The following CACNB2 variants were observed in gnomAD, a reference collection of about 807,000 sequenced individuals.
CACNB2 encodes calcium voltage-gated channel auxiliary subunit beta 2.
In CACNB2, 42 loss-of-function variants were observed where a neutral mutation model predicts 73.3. That is an observed-to-expected ratio of 0.57 (90% CI 0.45 to 0.74). The LOEUF is 0.74. Ranked by LOEUF, CACNB2 falls within the 30% of genes least tolerant of loss-of-function variation. The pLI, the probability that CACNB2 is intolerant of heterozygous loss-of-function variation, is 0.00. For missense variants in CACNB2, 940 were observed against 853.0 expected, an observed-to-expected ratio of 1.10 and a Z score of -1.27; for synonymous variants, 348 against 310.3, an observed-to-expected ratio of 1.12 and a Z score of -1.28.
intron 3 of CACNB2, among the ~76,000 whole-genome samples, chr10:18,445,905 A>G (rs767599116): frequency 1.3e-5 from 2 of 152,160 alleles, no homozygotes; most frequent in Non-Finnish European, 2.9e-5. Flanking sequence ...GTGGTGGCAC[A>G]TGCCTGTAAT....
chr10:18,263,924 G>T (rs1416201335), intron 2 of CACNB2, among the ~76,000 whole-genome samples: 1 of 152,094 alleles, frequency 6.6e-6, no homozygotes, highest in Non-Finnish European at 1.5e-5. Flanking sequence ...TCATTCTTTT[G>T]TTTACTCCTA....
chr10:18,345,678 C>T (rs1272722203), intron 2 of CACNB2, among the ~76,000 whole-genome samples: 2 of 152,168 alleles, frequency 1.3e-5, no homozygotes, highest in South Asian at 2.1e-4. Context: ...TATCAAAATA[C>T]TGTCTTTCAT....
rs574367506 is a variant in CACNB2, at chr10:18,434,002, G to A, written c.333+31959G>A. Among the ~76,000 whole-genome samples the A allele has an allele frequency of 3.3e-5, 5 of 150,552 alleles. No homozygotes were observed. The East Asian group carries it at 9.6e-4, about 29-fold the overall frequency. ...ATCCATTCCAGCAAGAGCTTCGGTA[G>A]AGTTGTATATAAAGCTTTACCAGTT... On this transcript the variant is annotated intron_variant, in intron 3 of 13. Transcript: ENST00000324631.
intron 3 of CACNB2, among the ~76,000 whole-genome samples, chr10:18,404,127 T>A (rs964150815): frequency 3.3e-5 from 5 of 152,110 alleles, no homozygotes; most frequent in African/African-American, 1.2e-4. Flanking sequence ...ATAAAATTTT[T>A]TAAAAAATAG....
intron 5 of CACNB2, among the ~76,000 whole-genome samples, chr10:18,502,999 C>T (rs1381710355): frequency 6.6e-6 from 1 of 152,094 alleles, no homozygotes; most frequent in Non-Finnish European, 1.5e-5. Context: ...AGATAACCCT[C>T]TTAGGATTAA....
chr10:18,535,352 C>T (rs536344876), intron 11 of CACNB2, among the ~76,000 whole-genome samples: 12 of 152,234 alleles, frequency 7.9e-5, no homozygotes, highest in South Asian at 2.1e-4. Flanking sequence ...ATTTTCTTCA[C>T]GTATTTCAAC....
intron 2 of CACNB2, among the ~76,000 whole-genome samples, chr10:18,199,815 T>C (rs1462194857): frequency 2.0e-5 from 3 of 152,096 alleles, no homozygotes; most frequent in Non-Finnish European, 4.4e-5. Flanking sequence ...GTACTAATAG[T>C]TCAGGCGAAG....
At chr10:18,182,519 TAAA>T (rs35363073) in intron 2 of CACNB2, among the ~76,000 whole-genome samples, 4 of 145,410 alleles carry the variant, frequency 2.8e-5, no homozygotes, top group East Asian at 2.0e-4. Context: ...GGAAGAAGAT[TAAA>T]AAAAAAAAAA....
At chr10:18,439,958 A>C (rs1036714725) in intron 3 of CACNB2, among the ~76,000 whole-genome samples, 4 of 152,214 alleles carry the variant, frequency 2.6e-5, no homozygotes, top group Non-Finnish European at 4.4e-5. Context: ...TAAGTGCTAA[A>C]AAATAGTCTC....
At chr10:18,417,667 G>T (rs1016103238) in intron 3 of CACNB2, among the ~76,000 whole-genome samples, 1 of 152,088 alleles carries the variant, frequency 6.6e-6, no homozygotes, top group Non-Finnish European at 1.5e-5. Context: ...TATGTTGTTA[G>T]TTAAAGGAAG....
intron 2 of CACNB2, among the ~76,000 whole-genome samples, chr10:18,204,824 G>A (rs1222475274): frequency 2.6e-5 from 4 of 152,108 alleles, no homozygotes; most frequent in Non-Finnish European, 5.9e-5. Context: ...ACATGTTATT[G>A]CTTCTGATCA....
intron 3 of CACNB2, among the ~76,000 whole-genome samples, chr10:18,483,542 A>AG (rs1307853181): frequency 2.6e-4 from 40 of 151,698 alleles, no homozygotes; most frequent in Admixed American, 1.3e-3. Context: ...AAAAAAAAAA[A>AG]AAAAGAAAAG....
Position 18,543,536 on chromosome 10 carries a change from T to TA in CACNB2, c.*3813dup, listed in dbSNP as rs1173963090. ...GAAATGTTAATATTAAATGTTAAAA[T>TA]ATATATTAATTTTCCCTCACATTTC... is the stretch of plus-strand genomic sequence containing the variant. On this transcript the variant is annotated 3_prime_UTR_variant, in exon 14 of 14. Coordinates refer to ENST00000324631, the MANE Select transcript of CACNB2 (RefSeq NM_201596.3). The TA allele has an allele frequency of 6.6e-6, 1 of 152,220 alleles. No homozygotes were observed. The highest frequency in any genetic ancestry group is 1.5e-5 in the Non-Finnish European group (1 of 68,036). 9.4% of individuals were successfully genotyped at this position (152,220 alleles called of 1,614,324 possible).
chr10:18,433,042 A>AT (rs145266380), intron 3 of CACNB2, among the ~76,000 whole-genome samples: 33 of 151,032 alleles, frequency 2.2e-4, no homozygotes, highest in East Asian at 7.7e-4. Flanking sequence ...CTGTGTTTAC[A>AT]TTTTTTTTTA....
intron 2 of CACNB2, among the ~76,000 whole-genome samples, chr10:18,366,568 G>A (rs10828592): frequency 0.31 from 46,387 of 151,748 alleles, 7,621 homozygotes; most frequent in East Asian, 0.71. Context: ...TTTGGGCTGG[G>A]CAGAGTGGCT....
At chr10:18,439,125 A>G (rs369580494) in intron 3 of CACNB2, among the ~76,000 whole-genome samples, 1 of 152,268 alleles carries the variant, frequency 6.6e-6, no homozygotes, top group East Asian at 1.9e-4. Flanking sequence ...CATGCACTGG[A>G]GTTCACAGAA....
chr10:18,390,361 C>T (rs191387593), intron 2 of CACNB2, among the ~76,000 whole-genome samples: 30 of 152,244 alleles, frequency 2.0e-4, no homozygotes, highest in African/African-American at 5.5e-4. Context: ...TACAGGCACC[C>T]GCCACCATGC....
chr10:18,203,817 T>C (rs929907373), intron 2 of CACNB2, among the ~76,000 whole-genome samples: 2 of 152,228 alleles, frequency 1.3e-5, no homozygotes, highest in Non-Finnish European at 2.9e-5. Context: ...AGAACCGTAG[T>C]TCTTATAATA....
At chr10:18,186,424 A>G (rs2034155227) in intron 2 of CACNB2, among the ~76,000 whole-genome samples, 4 of 151,936 alleles carry the variant, frequency 2.6e-5, no homozygotes, top group Admixed American at 2.6e-4. Context: ...CGTCTGAAAA[A>G]AAAAAAGAAA....
Sources: allele counts gnomAD v4.1 joint callset (sites outside exome capture counted in the v4.1 genomes callset), GRCh38; gene constraint gnomAD v4.1.1; transcripts MANE v1.5; gene names NCBI Gene and HGNC (gene_info 2026-07-23, HGNC 2026-07-21).